The following CFAP299 variants were observed in gnomAD, a reference collection of about 807,000 sequenced individuals.
CFAP299 encodes cilia and flagella associated protein 299.
Under a neutral mutation model 27.0 loss-of-function variants are expected in CFAP299, and 21 were observed. The observed-to-expected ratio is 0.78, with a 90% CI of 0.55 to 1.12. The LOEUF (loss-of-function observed/expected upper bound fraction) is 1.12. Among genes scored for constraint, CFAP299 ranks in the 50% most tolerant of loss-of-function variants. The pLI is 0.00. For missense variants in CFAP299, 310 were observed against 276.6 expected, an observed-to-expected ratio of 1.12 and a Z score of -0.86; for synonymous variants, 104 against 98.1, an observed-to-expected ratio of 1.06 and a Z score of -0.36.
intron 3 of CFAP299, among the ~76,000 whole-genome samples, chr4:80,680,503 T>C (rs1440700649): frequency 6.6e-6 from 1 of 152,168 alleles, no homozygotes; most frequent in Non-Finnish European, 1.5e-5. Context: ...GATTAAATTA[T>C]TTTGTAACAA....
intron 3 of CFAP299, among the ~76,000 whole-genome samples, chr4:80,624,132 A>G (rs150701083): frequency 1.3e-5 from 2 of 152,312 alleles, no homozygotes; most frequent in East Asian, 3.9e-4. Flanking sequence ...CATCAAAAGG[A>G]CAAAATAAGG....
At chr4:80,407,330 A>G (rs2110056997) in intron 2 of CFAP299, among the ~76,000 whole-genome samples, 1 of 152,250 alleles carries the variant, frequency 6.6e-6, no homozygotes, top group South Asian at 2.1e-4. Flanking sequence ...TCACAAGTGT[A>G]TGGGTTGGCT....
At chr4:80,519,066 ATAAT>A (rs1232357284) in intron 2 of CFAP299, among the ~76,000 whole-genome samples, 1 of 152,140 alleles carries the variant, frequency 6.6e-6, no homozygotes, top group Admixed American at 6.5e-5. Context: ...TGATTAAATA[ATAAT>A]TAATTTTTTC....
chr4:80,352,251 A>C (rs1024906358), intron 1 of CFAP299, among the ~76,000 whole-genome samples: 1 of 152,188 alleles, frequency 6.6e-6, no homozygotes, highest in African/African-American at 2.4e-5. Flanking sequence ...GTTAGAATAA[A>C]TGTAAGTATG....
At chr4:80,828,961 G>A (rs1322830977) in intron 3 of CFAP299, among the ~76,000 whole-genome samples, 1 of 151,922 alleles carries the variant, frequency 6.6e-6, no homozygotes, top group African/African-American at 2.4e-5. Flanking sequence ...CTAAATGTAA[G>A]AGCTAAAATT....
intron 2 of CFAP299, among the ~76,000 whole-genome samples, chr4:80,508,387 A>G (rs1349977069): frequency 2.6e-5 from 4 of 152,152 alleles, no homozygotes; most frequent in Non-Finnish European, 4.4e-5. Context: ...GATTGCTCCC[A>G]TATAAATAAT....
At chr4:80,733,458 C>A (rs1723656815) in intron 3 of CFAP299, among the ~76,000 whole-genome samples, 2 of 152,034 alleles carry the variant, frequency 1.3e-5, no homozygotes. Flanking sequence ...CTTTGTCGTA[C>A]AAACAATCCA....
chr4:80,819,267 A>G (rs1364568028), intron 3 of CFAP299, among the ~76,000 whole-genome samples: 1 of 152,104 alleles, frequency 6.6e-6, no homozygotes, highest in Non-Finnish European at 1.5e-5. Context: ...AGAGAGTGAC[A>G]GGAGAGTTGT....
intron 2 of CFAP299, among the ~76,000 whole-genome samples, chr4:80,491,370 T>C (rs1395617350): frequency 2.0e-5 from 3 of 152,166 alleles, no homozygotes; most frequent in East Asian, 3.8e-4. Flanking sequence ...ATAGTGTTTT[T>C]TTCAGGCTTT....
chr4:80,560,584 G>T (rs961350128), intron 2 of CFAP299, among the ~76,000 whole-genome samples: 1 of 151,950 alleles, frequency 6.6e-6, no homozygotes, highest in African/African-American at 2.4e-5. Flanking sequence ...GATACCCACT[G>T]CCCTGAAAGG....
intron 2 of CFAP299, among the ~76,000 whole-genome samples, chr4:80,373,894 A>G (rs1724275421): frequency 6.6e-6 from 1 of 151,764 alleles, no homozygotes; most frequent in South Asian, 2.1e-4. Context: ...CACATTTTTT[A>G]TGCTATTAAC....
intron 3 of CFAP299, among the ~76,000 whole-genome samples, chr4:80,776,527 G>A (rs549996914): frequency 2.3e-4 from 35 of 152,204 alleles, no homozygotes; most frequent in African/African-American, 7.7e-4. Flanking sequence ...ATAAGTGGGA[G>A]TTGAACAATG....
chr4:80,500,274 TG>T (rs898166298), intron 2 of CFAP299, among the ~76,000 whole-genome samples: 2 of 152,142 alleles, frequency 1.3e-5, no homozygotes, highest in African/African-American at 4.8e-5. Context: ...GGCATTCTCC[TG>T]GGCCTTCTTC....
chr4:80,818,538 A>G (rs888843856), intron 3 of CFAP299, among the ~76,000 whole-genome samples: 3 of 152,092 alleles, frequency 2.0e-5, no homozygotes, highest in Non-Finnish European at 4.4e-5. Context: ...AAGTTTTACA[A>G]TCTTCTTTAT....
chr4:80,913,968 C>A (rs1332924904), intron 4 of CFAP299, among the ~76,000 whole-genome samples: 1 of 152,068 alleles, frequency 6.6e-6, no homozygotes, highest in Non-Finnish European at 1.5e-5. Context: ...TTGGCTATGG[C>A]TTCTTTCCCA....
chr4:80,876,383 T>G (rs1432627036), intron 4 of CFAP299, among the ~76,000 whole-genome samples: 1 of 151,960 alleles, frequency 6.6e-6, no homozygotes, highest in Non-Finnish European at 1.5e-5. Flanking sequence ...GATCTGATGG[T>G]TTTATAAGCA....
intron 2 of CFAP299, among the ~76,000 whole-genome samples, chr4:80,365,640 T>A (rs779060974): frequency 5.3e-5 from 8 of 152,232 alleles, no homozygotes; most frequent in Non-Finnish European, 1.0e-4. Context: ...GTTTGAAATG[T>A]GTCTTATGTA....
At chr4:80,448,068 G>A (rs770958741) in intron 2 of CFAP299, among the ~76,000 whole-genome samples, 5 of 152,216 alleles carry the variant, frequency 3.3e-5, no homozygotes, top group Non-Finnish European at 7.3e-5. Context: ...AGATCTGTAT[G>A]TTGTACACTG....
chr4:80,679,636 T>G (rs892683340), intron 3 of CFAP299, among the ~76,000 whole-genome samples: 2 of 151,966 alleles, frequency 1.3e-5, no homozygotes, highest in Non-Finnish European at 2.9e-5. Flanking sequence ...AGTGATATCT[T>G]AAGGTGGTTT....
Sources: gnomAD v4.1 joint callset for allele counts (sites outside exome capture counted in the v4.1 genomes callset) on GRCh38, gnomAD v4.1.1 for gene constraint, MANE v1.5 for transcripts, NCBI Gene and HGNC (gene_info 2026-07-23, HGNC 2026-07-21) for gene names.